Variants in ANKRD24 observed in about 807,000 individuals in gnomAD.
ANKRD24 encodes ankyrin repeat domain-containing protein 24.
In ANKRD24, 109 loss-of-function variants were observed where a neutral mutation model predicts 127.8. The observed-to-expected ratio is 0.85, with a 90% CI of 0.73 to 1.00. The LOEUF (loss-of-function observed/expected upper bound fraction) is 1.00, where lower values mean the gene tolerates loss of function less well. Among genes scored for constraint, ANKRD24 ranks in the 50% least tolerant of loss-of-function variants. The pLI, the probability that ANKRD24 is intolerant of heterozygous loss-of-function variation, is 0.00. For missense variants in ANKRD24, 1,648 were observed against 1,570.2 expected (o/e 1.05, Z -0.84); for synonymous variants, 743 against 671.1 (o/e 1.11, Z -1.66).
chr19:4,195,326 A>G lies in ANKRD24; in HGVS notation c.37-4357A>G, dbSNP rs563697560. On this transcript the variant is annotated intron_variant, in intron 2 of 21. Transcript: ENST00000318934. This position sits in a 1 kb window ranked among gnomAD's most constrained non-coding sequence, Gnocchi z 4.2. ...CCATCTCAGGTGATCTGCCTGCCTC[A>G]GCCTCCCAAAGTGCTGGGATGACAG... Among the ~76,000 whole-genome samples the G allele has an allele frequency of 1.5e-4, 22 of 151,284 alleles. No homozygotes were observed. The highest frequency in any genetic ancestry group is 1.3e-3 in the South Asian group (6 of 4,778).
rs1435893597 is a variant in ANKRD24 at position 4,216,417 on chromosome 19, G to A, written c.1389+15G>A. ...AGAAGGTCCAGGTAGGGAAAGTGAGGCTGGGGACAGATCTGAGGACCTAGG... is the reference window on the plus strand; with the variant it reads ...AGAAGGTCCAGGTAGGGAAAGTGAGACTGGGGACAGATCTGAGGACCTAGG... On this transcript the variant is annotated intron_variant, in intron 17 of 21. Coordinates refer to ENST00000318934, the MANE Select transcript of ANKRD24 (RefSeq NM_001393985.1). 1 of 1,559,916 alleles carries A rather than the reference G, an allele frequency of 6.4e-7. No individual in the cohort carries two copies. Among genetic ancestry groups the A allele is most frequent in the Admixed American group, 1.9e-5 (1 of 51,624 alleles).
At position 4,199,573 on chromosome 19, in the gene ANKRD24, G is replaced by C; in HGVS notation, c.37-110G>C. 7 of 1,437,128 alleles carry C rather than the reference G, an allele frequency of 4.9e-6. No individual in the cohort carries two copies. Among genetic ancestry groups the C allele is most frequent in the Non-Finnish European group, 5.5e-6 (6 of 1,099,868 alleles). 89.0% of individuals were successfully genotyped at this position (1,437,128 alleles called of 1,614,324 possible). ...TGCTCAGGGGATGATGCTGGTGGTG[G>C]GCTTTTGTTGGACAACTGGGGTGAT... On this transcript the variant is annotated intron_variant, in intron 2 of 21. Transcript: ENST00000318934. This position sits in a 1 kb window ranked among gnomAD's most constrained non-coding sequence, Gnocchi z 5.2.
Position 4,210,110 on chromosome 19 carries a change from C to T in ANKRD24, c.923C>T (p.Pro308Leu). ...KQGAPKKRKA[P>L]PPPASIPMPD... Reference sequence around the variant, plus strand: ...GGGGCCCCCAAGAAGCGGAAGGCGCCTCCACCTCCCGCCAGCATTCCCATG... The same window carrying T: ...GGGGCCCCCAAGAAGCGGAAGGCGCTTCCACCTCCCGCCAGCATTCCCATG... Residue 308 changes from proline to leucine, a missense_variant, in exon 12 of 22, where the codon CCT becomes CTT. Coordinates refer to ENST00000318934, the MANE Select transcript of ANKRD24 (RefSeq NM_001393985.1). The T allele has an allele frequency of 6.2e-7, 1 of 1,611,502 alleles. No individual in the cohort carries two copies. The highest frequency in any genetic ancestry group is 8.5e-7 in the Non-Finnish European group (1 of 1,179,056).
chr19:4,216,992 C>G lies in ANKRD24; in HGVS notation c.1832C>G (p.Thr611Ser). 1 of 1,613,334 alleles carries G rather than the reference C, an allele frequency of 6.2e-7. No homozygotes were observed. Among genetic ancestry groups the G allele is most frequent in the Non-Finnish European group, 8.5e-7 (1 of 1,179,674 alleles). ...PTGAEVREME[T>S]TEEEANMETK... The stretch of plus-strand genomic sequence containing the variant: ...GGGGCTGAGGTCAGAGAAATGGAGA[C>G]CACAGAAGAAGAAGCAAACATGGAA... The change falls in exon 18 of 22, where the codon ACC becomes AGC. Residue 611 changes from threonine (T) to serine (S), a missense_variant. Transcript: ENST00000318934.
chr19:4,202,953 C>A (rs1194644646), intron 7 of ANKRD24, 27 bp downstream of exon 7: 36 of 1,534,622 alleles, frequency 2.3e-5, no homozygotes, highest in Non-Finnish European at 2.9e-5. Flanking sequence ...CCTGCCCTGA[C>A]CCCGAAGCCC....
At chr19:4,223,391 A>ATTT (rs1568349097) in intron 20 of ANKRD24, among the ~76,000 whole-genome samples, 2 of 84,788 alleles carry the variant, frequency 2.4e-5, no homozygotes, top group African/African-American at 1.3e-4. Flanking sequence ...ATATATATAT[A>ATTT]TATATATATA....
At chr19:4,200,197 G>C (rs778029165) in intron 5 of ANKRD24, 26 bp downstream of exon 5, 9 of 1,572,056 alleles carry the variant, frequency 5.7e-6, no homozygotes, top group Admixed American at 5.5e-5. Flanking sequence ...CCCCGGGGAG[G>C]GAGGAGGAAC....
In ANKRD24 at chr19:4,198,236, G is replaced by GC. The variant is rs1968871239; in HGVS notation, c.37-1443dup. 4.0e-6 allele frequency: 2 copies of GC among 504,416 alleles called. No individual in the cohort carries two copies. Among genetic ancestry groups the GC allele is most frequent in the Non-Finnish European group, 3.5e-6 (1 of 287,346 alleles). 31.2% of individuals were successfully genotyped at this position (504,416 alleles called of 1,614,324 possible). ...CAAGGTCAGGAGGGGCCGGGGCGGC[G>GC]CCCCTTCCCTCAGCCCCCAGCCCCC... is the stretch of plus-strand genomic sequence containing the variant. On this transcript the variant is annotated intron_variant, in intron 2 of 21. Transcript: ENST00000318934. The surrounding 1 kb of genome is among the most constrained non-coding windows in gnomAD (Gnocchi z 6.1).
In ANKRD24 at chr19:4,207,576, G is replaced by T. The variant is rs749191233; in HGVS notation, c.613G>T (p.Ala205Ser). ...DLCRLLLQQGAAANDQDLQGR... is the reference protein window; with the variant it reads ...DLCRLLLQQGSAANDQDLQGR... The stretch of plus-strand genomic sequence containing the variant: ...GTGCCGTCTCCTACTGCAGCAAGGG[G>T]CTGCCGCGAACGATCAGGACCTGCA... The change falls in exon 9 of 22, where the codon GCT becomes TCT. Residue 205 changes from alanine (A) to serine (S), a missense_variant. Coordinates refer to ENST00000318934, the MANE Select transcript of ANKRD24 (RefSeq NM_001393985.1). The T allele has an allele frequency of 6.2e-7, 1 of 1,613,838 alleles. No individual in the cohort carries two copies. The highest frequency in any genetic ancestry group is 8.5e-7 in the Non-Finnish European group (1 of 1,179,888).
intron 7 of ANKRD24, among the ~76,000 whole-genome samples, chr19:4,205,686 A>G (rs1969340934): frequency 6.6e-6 from 1 of 152,160 alleles, no homozygotes. Context: ...CATCTCTACT[A>G]AAAATATAAA....
intron 5 of ANKRD24, among the ~76,000 whole-genome samples, chr19:4,201,426 G>A (rs546831102): frequency 6.6e-6 from 1 of 152,196 alleles, no homozygotes; most frequent in South Asian, 2.1e-4. Flanking sequence ...CTGAAACTTT[G>A]GTGTAGTGGA....
rs1363038860 is a variant in ANKRD24, at chr19:4,219,607, T to C, written c.3020T>C (p.Leu1007Pro). ...AEVFQVQREA[L>P]FMKSERHAAE... ...GGGCCACAGGTGCAGCGTGAGGCCC[T>C]GTTCATGAAGAGTGAGCGACACGCA... Residue 1007 changes from leucine to proline, a missense_variant, in exon 19 of 22, where the codon CTG (leucine) becomes CCG (proline). By Grantham distance (98) the Leu-to-Pro change is moderately conservative. Transcript: ENST00000318934. The C allele has an allele frequency of 1.9e-6, 3 of 1,611,934 alleles. No homozygotes were observed. The highest frequency in any genetic ancestry group is 2.5e-6 in the Non-Finnish European group (3 of 1,178,476).
intron 15 of ANKRD24, among the ~76,000 whole-genome samples, chr19:4,213,264 TTTCC>T (rs763006538): frequency 3.1e-4 from 29 of 92,096 alleles, no homozygotes; most frequent in Admixed American, 9.5e-4. Flanking sequence ...CCTTCTTTCC[TTTCC>T]TTCCTTCCTT....
chr19:4,190,587 G>C (rs352498), intron 2 of ANKRD24, among the ~76,000 whole-genome samples: 5 of 151,564 alleles, frequency 3.3e-5, no homozygotes, highest in African/African-American at 1.2e-4. Context: ...TAGCCAGGCA[G>C]CCGGGCATGG....
intron 11 of ANKRD24, among the ~76,000 whole-genome samples, chr19:4,209,184 C>T (rs999215704): frequency 6.6e-6 from 1 of 152,098 alleles, no homozygotes; most frequent in Non-Finnish European, 1.5e-5. Context: ...GATCTTGGCT[C>T]ACTGCAACCT....
Position 4,195,818 on chromosome 19 carries a change from C to T in ANKRD24, c.37-3865C>T, listed in dbSNP as rs769321453. On this transcript the variant is annotated intron_variant, in intron 2 of 21. Coordinates refer to ENST00000318934, the MANE Select transcript of ANKRD24 (RefSeq NM_001393985.1). This position sits in a 1 kb window ranked among gnomAD's most constrained non-coding sequence, Gnocchi z 4.2. ...CTGAAGCAGGAGAATTGCTTGAACC[C>T]GGGAGGCAGAGCTTGCAGTGAGCCG... 2.0e-5 allele frequency among the ~76,000 whole-genome samples: 3 copies of T among 152,150 alleles called. No homozygotes were observed. Among genetic ancestry groups the T allele is most frequent in the African/African-American group, 4.8e-5 (2 of 41,442 alleles).
At chr19:4,215,227 T>G (rs955211016) in intron 15 of ANKRD24, among the ~76,000 whole-genome samples, 1 of 152,228 alleles carries the variant, frequency 6.6e-6, no homozygotes, top group Non-Finnish European at 1.5e-5. Flanking sequence ...GGCTCACGCC[T>G]GTAATCCCAC....
intron 20 of ANKRD24, among the ~76,000 whole-genome samples, 174 bp downstream of exon 20, chr19:4,222,969 A>G (rs1367445425): frequency 6.6e-6 from 1 of 152,106 alleles, no homozygotes; most frequent in Non-Finnish European, 1.5e-5. Flanking sequence ...TTTTTGAGAC[A>G]GGGTCTCACT....
In ANKRD24 at chr19:4,210,151, C is replaced by G. The variant is rs1969629573; in HGVS notation, c.951+13C>G. ...CATTCCCATGCCGGTGAGAGATGCT[C>G]TGGGCACGGGAGGAGGCATGGGGAG... On this transcript the variant is annotated intron_variant, in intron 12 of 21. Coordinates refer to ENST00000318934, the MANE Select transcript of ANKRD24 (RefSeq NM_001393985.1). 3 of 1,599,710 alleles carry G rather than the reference C, an allele frequency of 1.9e-6. No individual in the cohort carries two copies. The East Asian group carries it at 6.8e-5, about 36-fold the overall frequency.
Sources: gnomAD v4.1 joint callset for allele counts (sites outside exome capture counted in the v4.1 genomes callset) on GRCh38, gnomAD v4.1.1 for gene constraint, Gnocchi (gnomAD v3.1) non-coding constraint, MANE v1.5 for transcripts, NCBI Gene and HGNC (gene_info 2026-07-23, HGNC 2026-07-21) for gene names.